Variants in SPTA1 observed in about 807,000 individuals in gnomAD.
The protein encoded by SPTA1 is spectrin alpha chain, erythrocytic 1.
Under a neutral mutation model 324.7 loss-of-function variants are expected in SPTA1, and 177 were observed. The ratio of observed to expected loss-of-function variants is 0.55; its 90% confidence interval spans 0.48 to 0.62. The LOEUF (loss-of-function observed/expected upper bound fraction) is 0.62. Ranked by LOEUF, SPTA1 falls within the 20% of genes least tolerant of loss-of-function variation. The pLI, the probability that SPTA1 is intolerant of heterozygous loss-of-function variation, is 0.00. For missense variants in SPTA1, 3,162 were observed against 2,883.6 expected, an observed-to-expected ratio of 1.10 and a Z score of -2.21; for synonymous variants, 1,195 against 1,041.3, an observed-to-expected ratio of 1.15 and a Z score of -2.84.
In SPTA1 at chr1:158,634,607, C is replaced by CA; in HGVS notation, c.5500dup (p.Trp1834LeufsTer4). On this transcript the variant is annotated frameshift_variant, in exon 39 of 52. Transcript: ENST00000643759. LOFTEE classifies it high-confidence loss of function. ...AGCCAAAGCATTCTTTTCATTGATC[C>CA]AAGCTTCCTCTTCCTCAGCATTCTG... 1 of 1,614,140 alleles carries CA rather than the reference C, an allele frequency of 6.2e-7. No homozygotes were observed.
At chr1:158,648,460 T>C in intron 26 of SPTA1, 49 bp downstream of exon 26, 1 of 1,612,972 alleles carries the variant, frequency 6.2e-7, no homozygotes, top group Middle Eastern at 1.7e-4. Flanking sequence ...GGTATACGGC[T>C]AAATATAGAC....
At chr1:158,637,165 T>C (rs1331845232) in intron 36 of SPTA1, among the ~76,000 whole-genome samples, 1 of 152,196 alleles carries the variant, frequency 6.6e-6, no homozygotes, top group Admixed American at 6.5e-5. Flanking sequence ...TCAGCTAGAA[T>C]GGGTATAAAG....
At chr1:158,628,780 G>A (rs1321919889) in intron 39 of SPTA1, among the ~76,000 whole-genome samples, 1 of 151,914 alleles carries the variant, frequency 6.6e-6, no homozygotes, top group Non-Finnish European at 1.5e-5. Flanking sequence ...AGAAATAAAA[G>A]AGATCACAAG....
In SPTA1 at chr1:158,639,683, C is replaced by G; in HGVS notation, c.4879G>C (p.Glu1627Gln). 1 of 1,613,820 alleles carries G rather than the reference C, an allele frequency of 6.2e-7. No individual in the cohort carries two copies. Among genetic ancestry groups the G allele is most frequent in the Non-Finnish European group, 8.5e-7 (1 of 1,179,896 alleles). The change falls in exon 35 of 52, where the codon GAG becomes CAG. Residue 1627 changes from glutamate (E) to glutamine (Q), a missense_variant. Physicochemically the swap from Glu to Gln is conservative, Grantham distance 29. Coordinates refer to ENST00000643759, the MANE Select transcript of SPTA1 (RefSeq NM_003126.4). ...TGATCTTTCATGGCCAGCAATGTCT[C>G]TGCCTGGAAATAGAGAAATAAGCAA... Reference protein sequence around the residue: ...RDFEFWLSEAETLLAMKDQAR... With the variant: ...RDFEFWLSEAQTLLAMKDQAR...
At position 158,621,337 on chromosome 1, in the gene SPTA1, A is replaced by C. The variant is rs184636674; in HGVS notation, c.6121-871T>G. Reference sequence around the variant, plus strand: ...TCATTCCCAAATACAAGAATTAAAAAGAAGAAAACTGGCCCAAATGGAGGG... The same window carrying C: ...TCATTCCCAAATACAAGAATTAAAACGAAGAAAACTGGCCCAAATGGAGGG... On this transcript the variant is annotated intron_variant, in intron 43 of 51. Coordinates refer to ENST00000643759, the MANE Select transcript of SPTA1 (RefSeq NM_003126.4). Among the ~76,000 whole-genome samples the C allele has an allele frequency of 1.5e-3, 230 of 152,358 alleles. 1 individual carries two copies. The highest frequency in any genetic ancestry group is 2.8e-3 in the Non-Finnish European group (189 of 68,034).
chr1:158,642,580 T>C (rs867200787), intron 32 of SPTA1, 38 bp from the exon 33 acceptor site: 4 of 1,611,246 alleles, frequency 2.5e-6, no homozygotes, highest in Middle Eastern at 1.7e-4. Context: ...ATTATCTTTT[T>C]ATTTATGGTG....
intron 48 of SPTA1, 84 bp downstream of exon 48, chr1:158,615,132 G>T: frequency 6.7e-7 from 1 of 1,499,714 alleles, no homozygotes; most frequent in Non-Finnish European, 9.3e-7. Context: ...TTTATCTGGT[G>T]CACCAAACTC....
rs1202980078 is a variant in SPTA1, at chr1:158,649,865, A to G, written c.3560T>C (p.Val1187Ala). 1 of 1,613,494 alleles carries G rather than the reference A, an allele frequency of 6.2e-7. No individual in the cohort carries two copies. The highest frequency in any genetic ancestry group is 1.1e-5 in the South Asian group (1 of 91,020). ...QLLGSAHAVE[V>A]FHREADDTKE... ...GAGTTATAATTATTACCTGTGAAACACTTCAACAGCATGGGCACTGCCCAG... is the reference window on the plus strand; with the variant it reads ...GAGTTATAATTATTACCTGTGAAACGCTTCAACAGCATGGGCACTGCCCAG... The change falls in exon 25 of 52, where the codon GTG (valine) becomes GCG (alanine). Residue 1187 changes from valine to alanine, a missense_variant. Physicochemically the swap from Val to Ala is moderately conservative, Grantham distance 64. Coordinates refer to ENST00000643759, the MANE Select transcript of SPTA1 (RefSeq NM_003126.4).
At chr1:158,655,908 G>T (rs908052636) in intron 20 of SPTA1, among the ~76,000 whole-genome samples, 1 of 152,118 alleles carries the variant, frequency 6.6e-6, no homozygotes, top group African/African-American at 2.4e-5. Flanking sequence ...CAGTGCATTT[G>T]CTCTCATGGT....
intron 26 of SPTA1, 95 bp from the exon 27 acceptor site, chr1:158,647,815 T>C (rs1007504819): frequency 3.8e-6 from 5 of 1,313,784 alleles, no homozygotes; most frequent in African/African-American, 1.5e-5. Flanking sequence ...GCTCCTCAAA[T>C]AGATATCAGT....
In SPTA1 at chr1:158,657,472, C is replaced by T; in HGVS notation, c.2805+5G>A. On this transcript the variant is annotated splice_donor_5th_base_variant and intron_variant, in intron 19 of 51. Coordinates refer to ENST00000643759, the MANE Select transcript of SPTA1 (RefSeq NM_003126.4). ...TTCACAATGTTAAACCCACCCCCAC[C>T]TTACCCCAGCTGCTTCTTCATCAGC... 6.4e-7 allele frequency: 1 copy of T among 1,569,426 alleles called. No homozygotes were observed. Among genetic ancestry groups the T allele is most frequent in the Non-Finnish European group, 8.8e-7 (1 of 1,141,004 alleles).
intron 18 of SPTA1, 65 bp downstream of exon 18, chr1:158,661,222 A>G: frequency 6.2e-7 from 1 of 1,611,978 alleles, no homozygotes; most frequent in South Asian, 1.1e-5. Context: ...CTAGGATAGT[A>G]CAAACTTCTT....
intron 31 of SPTA1, 102 bp downstream of exon 31, chr1:158,643,220 A>G: frequency 7.2e-7 from 1 of 1,398,094 alleles, no homozygotes; most frequent in South Asian, 1.2e-5. Context: ...TTAGTCACCT[A>G]GAAATGACAG....
chr1:158,659,951 C>G (rs758870698), intron 18 of SPTA1, among the ~76,000 whole-genome samples: 6 of 152,056 alleles, frequency 3.9e-5, no homozygotes, highest in Non-Finnish European at 5.9e-5. Flanking sequence ...CTTTGTGAAT[C>G]CACTAAGAGT....
intron 39 of SPTA1, among the ~76,000 whole-genome samples, chr1:158,628,966 G>T (rs1396029545): frequency 6.6e-6 from 1 of 151,944 alleles, no homozygotes; most frequent in Non-Finnish European, 1.5e-5. Context: ...CCCAAGACCA[G>T]ATGGCTTCAC....
In SPTA1 at chr1:158,648,579, A is replaced by G; in HGVS notation, c.3644T>C (p.Leu1215Pro). Residue 1215 changes from leucine to proline, a missense_variant, in exon 26 of 52, where the codon CTG (leucine) becomes CCG (proline). Transcript: ENST00000643759. ...TCGCTGAAGAGCCTGAACACTGAAC[A>G]GATCTGAGCCAGGGTCTGCAGCACT... is the stretch of plus-strand genomic sequence containing the variant. ...ALSAADPGSD[L>P]FSVQALQRRH... The G allele has an allele frequency of 3.1e-6, 5 of 1,614,034 alleles. No homozygotes were observed. Among genetic ancestry groups the G allele is most frequent in the Non-Finnish European group, 4.2e-6 (5 of 1,179,976 alleles).
chr1:158,665,022 T>C (rs1417016314), intron 16 of SPTA1, among the ~76,000 whole-genome samples: 1 of 152,222 alleles, frequency 6.6e-6, no homozygotes, highest in Non-Finnish European at 1.5e-5. Flanking sequence ...TTTAACATTC[T>C]ATATCTAAAA....
rs767312094 is a variant in SPTA1, at chr1:158,639,630, G to A, written c.4932C>T (p.Asn1644=). 5 of 1,613,806 alleles carry A rather than the reference G, an allele frequency of 3.1e-6. No homozygotes were observed. The highest frequency in any genetic ancestry group is 1.1e-5 in the South Asian group (1 of 91,080). The change falls in exon 35 of 52, where the codon AAC becomes AAT. Residue 1644 remains asparagine, a synonymous_variant. Coordinates refer to ENST00000643759, the MANE Select transcript of SPTA1 (RefSeq NM_003126.4). ...CCAATAGCTGATGCTTCTTGAGTAG[G>A]TTTCCTGCTGAAGCCAAGTCCCTGG... ...DQARDLASAG[N]LLKKHQLLER...
intron 1 of SPTA1, 49 bp from the exon 2 acceptor site, chr1:158,685,396 A>G (rs745781568): frequency 2.0e-5 from 32 of 1,605,520 alleles, no homozygotes; most frequent in Non-Finnish European, 2.5e-5. Flanking sequence ...AATATTTAAC[A>G]TGTTGCCCCG....
Sources: allele counts gnomAD v4.1 joint callset (sites outside exome capture counted in the v4.1 genomes callset), GRCh38; gene constraint gnomAD v4.1.1; transcripts MANE v1.5; gene names NCBI Gene and HGNC (gene_info 2026-07-23, HGNC 2026-07-21).